The following NTM variants were observed in gnomAD, a reference collection of about 807,000 sequenced individuals.
The protein encoded by NTM is IgLON family member 2.
A neutral mutation model predicts 42.1 loss-of-function variants in NTM; 13 were observed. The observed-to-expected ratio is 0.31, with a 90% CI of 0.20 to 0.49. The LOEUF (loss-of-function observed/expected upper bound fraction) is 0.49. Ranked by LOEUF, NTM falls within the 20% of genes least tolerant of loss-of-function variation. The pLI is 0.99. For synonymous variants in NTM, 187 were observed against 179.2 expected, an observed-to-expected ratio of 1.04 and a Z score of -0.35; for missense variants, 373 against 452.8, an observed-to-expected ratio of 0.82 and a Z score of 1.60.
chr11:131,934,384 A>G (rs1565772343), intron 2 of NTM, among the ~76,000 whole-genome samples: 1 of 152,238 alleles, frequency 6.6e-6, no homozygotes, highest in African/African-American at 2.4e-5. Flanking sequence ...AGTAATTAAT[A>G]GGAACTACCT....
intron 1 of NTM, among the ~76,000 whole-genome samples, chr11:131,867,436 T>C (rs1303650981): frequency 6.6e-6 from 1 of 151,976 alleles, no homozygotes; most frequent in Non-Finnish European, 1.5e-5. Context: ...TCAGTGTGAA[T>C]AACCATATGT....
chr11:132,327,506 G>T (rs1256184776), intron 7 of NTM, among the ~76,000 whole-genome samples: 1 of 152,160 alleles, frequency 6.6e-6, no homozygotes, highest in African/African-American at 2.4e-5. Flanking sequence ...TGGTATATGT[G>T]TGTCTAGATA....
chr11:131,770,056 T>G (rs1436325963), intron 1 of NTM, among the ~76,000 whole-genome samples: 1 of 152,144 alleles, frequency 6.6e-6, no homozygotes, highest in Non-Finnish European at 1.5e-5. Flanking sequence ...AGAGGGCCAG[T>G]GTATGTTTCC....
chr11:132,140,490 A>G (rs2068871138), intron 2 of NTM, among the ~76,000 whole-genome samples: 1 of 152,166 alleles, frequency 6.6e-6, no homozygotes, highest in Non-Finnish European at 1.5e-5. Flanking sequence ...ACAGTGTGCA[A>G]TGTGAGTCTA....
intron 1 of NTM, among the ~76,000 whole-genome samples, chr11:131,726,529 G>C (rs776887001): frequency 1.3e-5 from 2 of 151,158 alleles, no homozygotes; most frequent in Admixed American, 6.6e-5. Flanking sequence ...GTTCTGGAGA[G>C]TGATCGCACA....
At chr11:131,431,260 G>A (rs60730149) in intron 1 of NTM, among the ~76,000 whole-genome samples, 37 of 152,278 alleles carry the variant, frequency 2.4e-4, no homozygotes, top group African/African-American at 7.9e-4. Flanking sequence ...GGATGCCCGA[G>A]GGGAAGGTAT....
At chr11:131,433,051 G>T (rs746857309) in intron 1 of NTM, among the ~76,000 whole-genome samples, 3 of 151,480 alleles carry the variant, frequency 2.0e-5, no homozygotes, top group Non-Finnish European at 4.4e-5. Context: ...TAGAGACAGG[G>T]TTTCACCATG....
At chr11:131,598,082 C>G (rs1353270109) in intron 1 of NTM, among the ~76,000 whole-genome samples, 1 of 152,182 alleles carries the variant, frequency 6.6e-6, no homozygotes, top group Non-Finnish European at 1.5e-5. Context: ...AAGGGGTCCC[C>G]TGGGGACTGA....
chr11:132,248,329 C>T lies in NTM; in HGVS notation c.526+36182C>T, dbSNP rs181002961. Among the ~76,000 whole-genome samples, 331 of 152,256 alleles carry T rather than the reference C, an allele frequency of 2.2e-3. 1 individual carries two copies. The highest frequency in any genetic ancestry group is 6.8e-3 in the Middle Eastern group (2 of 294). On this transcript the variant is annotated intron_variant, in intron 4 of 8. Transcript: ENST00000683400. ...TTTTTTTCCCTTGCTCTGTCTTCCT[C>T]TCTCTCTTTTATTTTTATCCTCCTA...
chr11:131,686,881 C>T (rs2073950797), intron 1 of NTM, among the ~76,000 whole-genome samples: 1 of 152,210 alleles, frequency 6.6e-6, no homozygotes, highest in Admixed American at 6.5e-5. Context: ...GGAGAATGTT[C>T]CATCTGCTGG....
chr11:131,651,765 C>T (rs773589505), intron 1 of NTM, among the ~76,000 whole-genome samples: 9 of 151,962 alleles, frequency 5.9e-5, no homozygotes, highest in Admixed American at 3.3e-4. Flanking sequence ...CGCTTGAACG[C>T]AGGAGGCGGA....
At chr11:132,254,917 A>G (rs539453103) in intron 4 of NTM, among the ~76,000 whole-genome samples, 1 of 152,162 alleles carries the variant, frequency 6.6e-6, no homozygotes. Context: ...CCTTATCTCT[A>G]CCCACTAGAT....
intron 1 of NTM, among the ~76,000 whole-genome samples, chr11:131,728,595 G>C (rs914021785): frequency 1.3e-5 from 2 of 152,182 alleles, no homozygotes; most frequent in Non-Finnish European, 2.9e-5. Context: ...TTATGCCAGT[G>C]TTCCATTATT....
chr11:131,968,450 G>T (rs1288288970), intron 2 of NTM, among the ~76,000 whole-genome samples: 1 of 152,180 alleles, frequency 6.6e-6, no homozygotes, highest in Middle Eastern at 3.2e-3. Context: ...ACATATTAAG[G>T]TTAAAGAGTG....
intron 1 of NTM, among the ~76,000 whole-genome samples, chr11:131,707,347 T>C (rs1275416970): frequency 6.6e-6 from 1 of 152,076 alleles, no homozygotes; most frequent in Non-Finnish European, 1.5e-5. Context: ...AAAGGCTGAA[T>C]AGTATTTCAT....
intron 2 of NTM, among the ~76,000 whole-genome samples, chr11:132,119,062 G>C (rs538805946): frequency 6.6e-6 from 1 of 152,290 alleles, no homozygotes; most frequent in African/African-American, 2.4e-5. Context: ...TCTCATCCAT[G>C]GGTGGCCCCC....
At chr11:131,896,112 A>C (rs2052224490) in intron 1 of NTM, among the ~76,000 whole-genome samples, 1 of 152,226 alleles carries the variant, frequency 6.6e-6, no homozygotes, top group Non-Finnish European at 1.5e-5. Flanking sequence ...ACATCATCTG[A>C]TCCCTGCCTG....
intron 4 of NTM, among the ~76,000 whole-genome samples, chr11:132,236,887 A>G (rs1216286346): frequency 2.0e-5 from 3 of 152,336 alleles, no homozygotes; most frequent in African/African-American, 7.2e-5. Flanking sequence ...AAGGCCACAC[A>G]GCTTCTGCTG....
intron 1 of NTM, among the ~76,000 whole-genome samples, chr11:131,702,751 A>G (rs1439039515): frequency 6.6e-6 from 1 of 152,248 alleles, no homozygotes; most frequent in Admixed American, 6.5e-5. Flanking sequence ...TGAGAGAATA[A>G]TGTTGATTTT....
Sources: allele counts gnomAD v4.1 joint callset (sites outside exome capture counted in the v4.1 genomes callset), GRCh38; gene constraint gnomAD v4.1.1; transcripts MANE v1.5; gene names NCBI Gene and HGNC (gene_info 2026-07-23, HGNC 2026-07-21).